Variants in FREM1 observed in about 807,000 individuals in gnomAD.
FREM1 encodes the protein FRAS1 related extracellular matrix 1.
A neutral mutation model predicts 210.1 loss-of-function variants in FREM1; 220 were observed. That is an observed-to-expected ratio of 1.05 (90% CI 0.94 to 1.17). The LOEUF is 1.17. Among genes scored for constraint, FREM1 ranks in the 50% most tolerant of loss-of-function variants. The pLI is 0.00. For missense variants in FREM1, 3,454 were observed against 2,675.5 expected (o/e 1.29, Z -6.42); for synonymous variants, 1,189 against 980.2 (o/e 1.21, Z -3.98).
intron 16 of FREM1, among the ~76,000 whole-genome samples, chr9:14,809,959 T>C (rs951057158): frequency 1.3e-5 from 2 of 152,254 alleles, no homozygotes; most frequent in East Asian, 3.9e-4. Flanking sequence ...ATTTTTTACC[T>C]GTTAAATGGC....
intron 1 of FREM1, among the ~76,000 whole-genome samples, chr9:14,897,316 A>C (rs2132512422): frequency 6.6e-6 from 1 of 152,312 alleles, no homozygotes; most frequent in East Asian, 1.9e-4. Context: ...TCTTAACTAA[A>C]GTACCTCATA....
intron 2 of FREM1, 134 bp downstream of exon 2, chr9:14,868,610 T>C (rs1831981883): frequency 1.6e-6 from 1 of 644,492 alleles, no homozygotes; most frequent in South Asian, 1.9e-5. Context: ...CCATTTCAAA[T>C]GTGAACATCT....
At position 14,807,999 on chromosome 9, in the gene FREM1, A is replaced by G. The variant is rs1818696014; in HGVS notation, c.3029T>C (p.Val1010Ala). Residue 1010 changes from valine (V) to alanine (A), a missense_variant, in exon 17 of 37, where the codon GTG becomes GCG. By Grantham distance (64) the Val-to-Ala change is moderately conservative. Transcript: ENST00000380880. ...PSVPLHASFP[V>A]YDLNITVYPV... ...GTATACCGTGATGTTGAGATCATACACTGGAAAGGACGCATGAAGTGGAAC... is the reference window on the plus strand; with the variant it reads ...GTATACCGTGATGTTGAGATCATACGCTGGAAAGGACGCATGAAGTGGAAC... 6.2e-7 allele frequency: 1 copy of G among 1,613,884 alleles called. No homozygotes were observed. Among genetic ancestry groups the G allele is most frequent in the Admixed American group, 1.7e-5 (1 of 60,018 alleles).
At chr9:14,888,833 T>C (rs543415791) in intron 1 of FREM1, among the ~76,000 whole-genome samples, 1 of 152,340 alleles carries the variant, frequency 6.6e-6, no homozygotes, top group Non-Finnish European at 1.5e-5. Context: ...ATCAATGTAT[T>C]TGCTTTTTCT....
At chr9:14,830,948 C>G (rs1204195062) in intron 10 of FREM1, among the ~76,000 whole-genome samples, 1 of 152,194 alleles carries the variant, frequency 6.6e-6, no homozygotes, top group African/African-American at 2.4e-5. Flanking sequence ...TCAAATAACT[C>G]AACAGGCATC....
chr9:14,904,716 G>T (rs1208934161), intron 1 of FREM1, among the ~76,000 whole-genome samples: 1 of 152,142 alleles, frequency 6.6e-6, no homozygotes, highest in East Asian at 1.9e-4. Flanking sequence ...TTGTTTCAGA[G>T]AGGGAGTGTG....
chr9:14,784,140 T>C (rs746251776), intron 24 of FREM1: 6 of 431,100 alleles, frequency 1.4e-5, no homozygotes, highest in African/African-American at 2.0e-5. Flanking sequence ...AACAAGACAG[T>C]AAAAGAAAAA....
intron 10 of FREM1, among the ~76,000 whole-genome samples, chr9:14,834,581 A>G (rs1164961490): frequency 6.6e-6 from 1 of 152,184 alleles, no homozygotes; most frequent in Admixed American, 6.5e-5. Context: ...TTGCCTTTTG[A>G]GTCATCATTT....
At chr9:14,895,865 A>G (rs1179741388) in intron 1 of FREM1, among the ~76,000 whole-genome samples, 3 of 152,138 alleles carry the variant, frequency 2.0e-5, no homozygotes, top group Non-Finnish European at 1.5e-5. Flanking sequence ...GTTACAGAAT[A>G]CAGATCTTCA....
At chr9:14,805,450 G>A (rs748152000) in intron 18 of FREM1, among the ~76,000 whole-genome samples, 14 of 152,322 alleles carry the variant, frequency 9.2e-5, no homozygotes, top group Non-Finnish European at 1.5e-4. Context: ...AAATGTCGGA[G>A]ACCTTCCCTT....
chr9:14,888,711 C>G (rs889864043), intron 1 of FREM1, among the ~76,000 whole-genome samples: 2 of 152,208 alleles, frequency 1.3e-5, no homozygotes, highest in African/African-American at 4.8e-5. Flanking sequence ...CTGTCTATAA[C>G]ATTCTGCTTC....
intron 34 of FREM1, 105 bp from the exon 35 acceptor site, chr9:14,746,573 G>GT: frequency 1.1e-6 from 1 of 871,770 alleles, no homozygotes; most frequent in Admixed American, 1.9e-5. Flanking sequence ...AAGTAGTTTG[G>GT]TTACCACAAA....
intron 1 of FREM1, among the ~76,000 whole-genome samples, chr9:14,869,682 AT>A (rs1265290407): frequency 6.6e-6 from 1 of 152,230 alleles, no homozygotes; most frequent in Non-Finnish European, 1.5e-5. Flanking sequence ...AACATGATTC[AT>A]TCTAAATCAG....
chr9:14,860,546 CAT>C lies in FREM1; in HGVS notation c.330-1064_330-1063del, dbSNP rs374788202. On this transcript the variant is annotated intron_variant, in intron 3 of 36. Coordinates refer to ENST00000380880, the MANE Select transcript of FREM1 (RefSeq NM_001379081.2). ...CGTAGTAGGTATGTATATATATACA[CAT>C]ATATATACACACATATATATACACA... Among the ~76,000 whole-genome samples, 6 of 104,908 alleles carry C rather than the reference CAT, an allele frequency of 5.7e-5. 1 individual carries two copies. Among genetic ancestry groups the C allele is most frequent in the Admixed American group, 3.9e-4 (4 of 10,174 alleles). The allele number at this position is 104,908 out of a possible 152,430, so 68.8% of individuals were successfully genotyped here.
At chr9:14,808,673 G>T (rs1425139602) in intron 16 of FREM1, among the ~76,000 whole-genome samples, 1 of 152,150 alleles carries the variant, frequency 6.6e-6, no homozygotes, top group Non-Finnish European at 1.5e-5. Context: ...TTATATATTA[G>T]CCAGGATGTT....
chr9:14,824,242 T>G (rs945589531), intron 11 of FREM1, 127 bp from the exon 12 acceptor site: 39 of 608,962 alleles, frequency 6.4e-5, no homozygotes, highest in Admixed American at 1.1e-4. Context: ...CTTTATATTC[T>G]CTCTTTATGT....
chr9:14,897,235 G>A (rs1435912649), intron 1 of FREM1, among the ~76,000 whole-genome samples: 1 of 152,166 alleles, frequency 6.6e-6, no homozygotes, highest in African/African-American at 2.4e-5. Context: ...TACAATGTAT[G>A]AACTCAAGTC....
At chr9:14,790,792 G>T (rs1277172994) in intron 22 of FREM1, 1 of 152,224 alleles carries the variant, frequency 6.6e-6, no homozygotes, top group African/African-American at 2.4e-5. Context: ...AGAACTGTGT[G>T]GAGCCATACT....
At position 14,840,037 on chromosome 9, in the gene FREM1, A is replaced by G. The variant is rs2131166127; in HGVS notation, c.1881+1410T>C. ...TCTCATTCATTCTCTATTCCTTCTT[A>G]ATAGGGATTACCTATTGCCTTCCAT... On this transcript the variant is annotated intron_variant, in intron 10 of 36. Coordinates refer to ENST00000380880, the MANE Select transcript of FREM1 (RefSeq NM_001379081.2). 1.3e-5 allele frequency among the ~76,000 whole-genome samples: 2 copies of G among 152,348 alleles called. 1 individual carries two copies.
Sources: gnomAD v4.1 joint callset for allele counts (sites outside exome capture counted in the v4.1 genomes callset) on GRCh38, gnomAD v4.1.1 for gene constraint, MANE v1.5 for transcripts, NCBI Gene and HGNC (gene_info 2026-07-23, HGNC 2026-07-21) for gene names.